Variants in TUSC3 observed in about 807,000 individuals in gnomAD.
The protein encoded by TUSC3 is dolichyl-diphosphooligosaccharide--protein glycosyltransferase subunit TUSC3.
A neutral mutation model predicts 44.8 loss-of-function variants in TUSC3; 45 were observed. That is an observed-to-expected ratio of 1.00 (90% CI 0.79 to 1.29). The LOEUF (loss-of-function observed/expected upper bound fraction) is 1.29. Among genes scored for constraint, TUSC3 ranks in the 50% most tolerant of loss-of-function variants. TUSC3 has a pLI of 0.00. For missense variants in TUSC3, 519 were observed against 437.9 expected, an observed-to-expected ratio of 1.19 and a Z score of -1.65; for synonymous variants, 212 against 152.9, an observed-to-expected ratio of 1.39 and a Z score of -2.85.
intron 7 of TUSC3, chr8:15,733,309 TA>T: frequency 2.7e-6 from 1 of 363,702 alleles, no homozygotes; most frequent in Admixed American, 4.0e-5. Context: ...TTGTTGCAGG[TA>T]AGTTTTTAAC....
intron 2 of TUSC3, among the ~76,000 whole-genome samples, chr8:15,528,195 G>GA (rs1053739076): frequency 6.7e-5 from 10 of 150,332 alleles, no homozygotes; most frequent in East Asian, 1.9e-4. Flanking sequence ...TGTGGTGTTT[G>GA]AAAAAAAAAC....
At chr8:15,617,074 C>T (rs994476224) in intron 1 of TUSC3, among the ~76,000 whole-genome samples, 1 of 148,640 alleles carries the variant, frequency 6.7e-6, no homozygotes, top group African/African-American at 2.5e-5. Flanking sequence ...TACACTAATC[C>T]ACTCACTCAT....
chr8:15,564,492 A>C (rs1283831566), intron 1 of TUSC3, among the ~76,000 whole-genome samples: 1 of 152,110 alleles, frequency 6.6e-6, no homozygotes, highest in Non-Finnish European at 1.5e-5. Context: ...TTTGTTTGTG[A>C]ATATGTGCAG....
At chr8:15,834,687 ATTGAG>A in the TUSC3 span, among the ~76,000 whole-genome samples, 5 of 152,058 alleles carry the variant, frequency 3.3e-5, no homozygotes, top group African/African-American at 1.2e-4. Flanking sequence ...TCCTAGTCTT[ATTGAG>A]TTAATTCATT....
At chr8:15,424,970 G>A (rs1369329878) in intron 1 of TUSC3, among the ~76,000 whole-genome samples, 1 of 152,142 alleles carries the variant, frequency 6.6e-6, no homozygotes, top group East Asian at 1.9e-4. Flanking sequence ...ATCGGTGATG[G>A]CATTGTATAT....
At chr8:15,593,367 T>C (rs1563123414) in intron 1 of TUSC3, among the ~76,000 whole-genome samples, 3 of 152,194 alleles carry the variant, frequency 2.0e-5, no homozygotes, top group Non-Finnish European at 4.4e-5. Context: ...ATTACAGGCC[T>C]GAGCCACCAC....
chr8:15,456,101 A>T (rs180853422), intron 1 of TUSC3, among the ~76,000 whole-genome samples: 30 of 152,290 alleles, frequency 2.0e-4, no homozygotes, highest in African/African-American at 7.2e-4. Context: ...CCAACCAATC[A>T]GCAGCAAGCA....
At chr8:15,552,972 C>T (rs1233267733) in intron 1 of TUSC3, among the ~76,000 whole-genome samples, 1 of 151,474 alleles carries the variant, frequency 6.6e-6, no homozygotes, top group Non-Finnish European at 1.5e-5. Context: ...GTTTAGGAGC[C>T]AGACTAGACA....
chr8:15,682,360 T>C (rs1229322900), intron 6 of TUSC3, among the ~76,000 whole-genome samples: 4 of 152,204 alleles, frequency 2.6e-5, no homozygotes, highest in African/African-American at 4.8e-5. Flanking sequence ...TTTGGATTCA[T>C]ATATATTTAA....
chr8:15,688,436 T>TC (rs2129188497), intron 6 of TUSC3, among the ~76,000 whole-genome samples: 1 of 151,666 alleles, frequency 6.6e-6, no homozygotes, highest in African/African-American at 2.4e-5. Flanking sequence ...TATTCTTTTT[T>TC]TTTTTTTTTT....
chr8:15,672,302 C>T (rs185950129), intron 5 of TUSC3, among the ~76,000 whole-genome samples: 15 of 151,950 alleles, frequency 9.9e-5, no homozygotes, highest in East Asian at 5.8e-4. Context: ...AAAACCCCTG[C>T]GGTTTAGAAA....
intron 1 of TUSC3, among the ~76,000 whole-genome samples, chr8:15,599,743 C>G (rs1301945112): frequency 1.4e-5 from 2 of 142,514 alleles, no homozygotes; most frequent in East Asian, 2.1e-4. Context: ...TTATGTCAGT[C>G]TGTTTCTTAG....
chr8:15,539,606 C>A (rs555429844), upstream of TUSC3, among the ~76,000 whole-genome samples: 156 of 152,144 alleles, frequency 1.0e-3, no homozygotes, highest in Non-Finnish European at 1.8e-3. Context: ...CCTGCCTCAG[C>A]CTCCCAAAGT....
intron 6 of TUSC3, among the ~76,000 whole-genome samples, chr8:15,698,197 T>C (rs1415567205): frequency 3.3e-5 from 5 of 152,186 alleles, no homozygotes; most frequent in Non-Finnish European, 7.4e-5. Flanking sequence ...CTAGCAAAGC[T>C]GCTGTGTTAA....
At chr8:15,505,621 C>A (rs913632670) in intron 2 of TUSC3, among the ~76,000 whole-genome samples, 6 of 152,164 alleles carry the variant, frequency 3.9e-5, no homozygotes, top group Admixed American at 6.5e-5. Flanking sequence ...AATAGAAATA[C>A]CCAGGCTTCT....
intron 1 of TUSC3, among the ~76,000 whole-genome samples, chr8:15,430,623 G>A (rs1452239059): frequency 6.6e-6 from 1 of 151,448 alleles, no homozygotes; most frequent in Non-Finnish European, 1.5e-5. Context: ...TGGAAGTTCT[G>A]GCCAGGGCAA....
chr8:15,582,234 G>A (rs1026722956), intron 1 of TUSC3, among the ~76,000 whole-genome samples: 1 of 152,156 alleles, frequency 6.6e-6, no homozygotes, highest in African/African-American at 2.4e-5. Flanking sequence ...GAGAAACCTG[G>A]TACCTCAGAT....
At chr8:15,597,938 C>T (rs950897387) in intron 1 of TUSC3, among the ~76,000 whole-genome samples, 1 of 151,990 alleles carries the variant, frequency 6.6e-6, no homozygotes, top group African/African-American at 2.4e-5. Context: ...TATTGATCAG[C>T]ATTTATATCT....
chr8:15,846,610 G>A, the TUSC3 span, among the ~76,000 whole-genome samples: 1 of 152,038 alleles, frequency 6.6e-6, no homozygotes, highest in Non-Finnish European at 1.5e-5. Flanking sequence ...CATAAGAACA[G>A]AAAACCAAAC....
Sources: allele counts gnomAD v4.1 joint callset (sites outside exome capture counted in the v4.1 genomes callset), GRCh38; gene constraint gnomAD v4.1.1; transcripts MANE v1.5; gene names NCBI Gene and HGNC (gene_info 2026-07-23, HGNC 2026-07-21).